The following TAF1C variants were observed in gnomAD, a reference collection of about 807,000 sequenced individuals.
TAF1C encodes the protein TATA box-binding protein-associated factor RNA polymerase I subunit C.
TAF1C carries 79 observed loss-of-function variants against 70.5 expected under a neutral mutation model. The observed-to-expected ratio is 1.12, with a 90% CI of 0.93 to 1.35. The LOEUF is 1.35. Among genes scored for constraint, TAF1C ranks in the 40% most tolerant of loss-of-function variants. The pLI, the probability that TAF1C is intolerant of heterozygous loss-of-function variation, is 0.00. For missense variants in TAF1C, 1,412 were observed against 1,127.8 expected, an observed-to-expected ratio of 1.25 and a Z score of -3.61; for synonymous variants, 614 against 491.1, an observed-to-expected ratio of 1.25 and a Z score of -3.31.
Position 84,182,888 on chromosome 16 carries a change from C to A in TAF1C, c.482+188G>T, listed in dbSNP as rs1423825469. 1.3e-5 allele frequency among the ~76,000 whole-genome samples: 2 copies of A among 152,226 alleles called. No individual in the cohort carries two copies. The highest frequency in any genetic ancestry group is 2.9e-5 in the Non-Finnish European group (2 of 68,026). ...TGGATGCAGCTGTGCCTGAACTCCA[C>A]AAATGTAAATCTGCTTTCCCCTGAG... On this transcript the variant is annotated intron_variant, in intron 6 of 14. Coordinates refer to ENST00000566732, the MANE Select transcript of TAF1C (RefSeq NM_001243156.2). This position sits in a 1 kb window ranked among gnomAD's most constrained non-coding sequence, Gnocchi z 5.0.
chr16:84,185,795 G>A (rs1046569813), intron 1 of TAF1C, among the ~76,000 whole-genome samples: 27 of 152,180 alleles, frequency 1.8e-4, no homozygotes, highest in African/African-American at 6.3e-4. Flanking sequence ...AGCTACTCGG[G>A]AGGCTGAGGC....
rs200908474 is a variant in TAF1C at position 84,183,304 on chromosome 16, G to A, written c.348C>T (p.Asp116=). ...GCTTCCCCAGGGGCGCAAAGGCTAC[G>A]TCTCCATGATCCAAGAGGAACCGGC... The part of the protein sequence containing the change: ...QISRFLLDHG[D]VAFAPLGKLM... The change falls in exon 5 of 15, where the codon GAC becomes GAT. Residue 116 remains aspartate, a synonymous_variant. Transcript: ENST00000566732. 3.7e-5 allele frequency: 60 copies of A among 1,613,986 alleles called. No homozygotes were observed. The highest frequency in any genetic ancestry group is 2.2e-4 in the East Asian group (10 of 44,880).
At position 84,178,517 on chromosome 16, in the gene TAF1C, C is replaced by A. The variant is rs1045821579; in HGVS notation, c.*424G>T. 9 of 461,536 alleles carry A rather than the reference C, an allele frequency of 2.0e-5. No individual in the cohort carries two copies. The highest frequency in any genetic ancestry group is 6.0e-5 in the African/African-American group (3 of 50,384). 28.6% of individuals were successfully genotyped at this position (461,536 alleles called of 1,614,324 possible). A position where few individuals can be genotyped will look rare whatever the true frequency, so the allele number is the denominator to read the frequency against. On this transcript the variant is annotated 3_prime_UTR_variant, in exon 15 of 15. Transcript: ENST00000566732. ...CCAACGGCCGCTGTGCCCACCTCATCAGCAGCTCTGCAGGGGCCTCACTCC... is the reference window on the plus strand; with the variant it reads ...CCAACGGCCGCTGTGCCCACCTCATAAGCAGCTCTGCAGGGGCCTCACTCC...
intron 9 of TAF1C, 30 bp from the exon 10 acceptor site, chr16:84,181,693 C>T (rs1416052621): frequency 6.2e-7 from 1 of 1,613,820 alleles, no homozygotes; most frequent in Non-Finnish European, 8.5e-7. Flanking sequence ...TCACATCGGG[C>T]TGCTCAGCCC....
chr16:84,179,024 C>A lies in TAF1C; in HGVS notation c.2449G>T (p.Val817Phe), dbSNP rs148629383. The A allele has an allele frequency of 6.2e-5, 100 of 1,610,564 alleles. 1 individual carries two copies. In the East Asian group the frequency reaches 7.6e-4, roughly 12 times the overall value. The change falls in exon 15 of 15, where the codon GTC (valine) becomes TTC (phenylalanine). Residue 817 changes from valine (V) to phenylalanine (F), a missense_variant. Transcript: ENST00000566732. ...TTPPHSQASS[V>F]RATRSQQHTP... Reference sequence around the variant, plus strand: ...TGCTGCTGGGAGCGAGTGGCCCGGACGCTGGAGGCCTGGGAGTGGGGAGGT... The same window carrying A: ...TGCTGCTGGGAGCGAGTGGCCCGGAAGCTGGAGGCCTGGGAGTGGGGAGGT...
At position 84,183,793 on chromosome 16, in the gene TAF1C, A is replaced by T; in HGVS notation, c.139-15T>A. 6.2e-7 allele frequency: 1 copy of T among 1,602,872 alleles called. No homozygotes were observed. Among genetic ancestry groups the T allele is most frequent in the Non-Finnish European group, 8.5e-7 (1 of 1,171,898 alleles). Reference sequence around the variant, plus strand: ...AGTGCCCCATTCTGAAGGGAGGACAATCGCAAGGACAGTATCATGATGAAT... The same window carrying T: ...AGTGCCCCATTCTGAAGGGAGGACATTCGCAAGGACAGTATCATGATGAAT... On this transcript the variant is annotated splice_polypyrimidine_tract_variant and intron_variant, in intron 2 of 14. Coordinates refer to ENST00000566732, the MANE Select transcript of TAF1C (RefSeq NM_001243156.2).
chr16:84,181,817 A>G lies in TAF1C; in HGVS notation c.885T>C (p.Phe295=). 6.2e-7 allele frequency: 1 copy of G among 1,614,132 alleles called. No individual in the cohort carries two copies. Among genetic ancestry groups the G allele is most frequent in the Non-Finnish European group, 8.5e-7 (1 of 1,180,020 alleles). Reference sequence around the variant, plus strand: ...GAAGGGTTGGCTGCCACTGTTTACCAAACTTCCACACGGCACAGTGGTAGT... The same window carrying G: ...GAAGGGTTGGCTGCCACTGTTTACCGAACTTCCACACGGCACAGTGGTAGT... ...RSDYHCAVWK[F]GKQWQPTLLQ... The change falls in exon 9 of 15, where the codon TTT becomes TTC. Residue 295 remains phenylalanine (F), a synonymous_variant. Transcript: ENST00000566732.
Position 84,183,245 on chromosome 16 carries a change from C to A in TAF1C, c.407G>T (p.Gly136Val), listed in dbSNP as rs1567596775. ...MLENFKLEGA[G>V]SRTKKKTVVS... ...CCCCTGGAGTCACGGGCCACTCACC[C>A]CCGCTCCCTCCAGCTTGAAATTCTC... Residue 136 changes from glycine to valine, a missense_variant and splice_region_variant, in exon 5 of 15, where the codon GGG becomes GTG. Transcript: ENST00000566732. 3 of 1,614,026 alleles carry A rather than the reference C, an allele frequency of 1.9e-6. No individual in the cohort carries two copies. Among genetic ancestry groups the A allele is most frequent in the African/African-American group, 1.3e-5 (1 of 75,042 alleles).
chr16:84,186,805 G>A (rs892373907), intron 1 of TAF1C, 96 bp downstream of exon 1: 1 of 152,288 alleles, frequency 6.6e-6, no homozygotes, highest in Non-Finnish European at 1.5e-5. Flanking sequence ...CTGCCGCGGG[G>A]ACTGGGGATT....
In TAF1C at chr16:84,179,075, T is replaced by G. The variant is rs2088920950; in HGVS notation, c.2398A>C (p.Arg800=). 1 of 1,610,602 alleles carries G rather than the reference T, an allele frequency of 6.2e-7. No homozygotes were observed. Among genetic ancestry groups the G allele is most frequent in the Non-Finnish European group, 8.5e-7 (1 of 1,179,404 alleles). The change falls in exon 15 of 15, where the codon AGG becomes CGG. Residue 800 remains arginine, a synonymous_variant. Transcript: ENST00000566732. ...RDYMAKLPPQ[R]DTPGCATTPP... is the part of the protein sequence containing the mutation. ...GTGGTGGCACAGCCTGGGGTGTCCC[T>G]CTGGGGTGGTAGCTTGGCCATGTAG...
chr16:84,182,227 AG>A lies in TAF1C; in HGVS notation c.695del (p.Pro232LeufsTer16). The A allele has an allele frequency of 6.2e-7, 1 of 1,612,232 alleles. No individual in the cohort carries two copies. The highest frequency in any genetic ancestry group is 8.5e-7 in the Non-Finnish European group (1 of 1,179,354). ...RTPQFGQLVY[P>X]AGGAQDRLHF... ...GCAGCCTGTCCTGGGCGCCTCCAGC[AG>A]GGTAGACCAGCTGCCCGAACTGGGG... On this transcript the variant is annotated frameshift_variant, in exon 7 of 15. Coordinates refer to ENST00000566732, the MANE Select transcript of TAF1C (RefSeq NM_001243156.2). LOFTEE classifies it high-confidence loss of function. The surrounding 1 kb of genome is among the most constrained non-coding windows in gnomAD (Gnocchi z 5.0).
intron 12 of TAF1C, 200 bp downstream of exon 12, chr16:84,180,843 G>A (rs1399060559): frequency 7.8e-6 from 11 of 1,402,658 alleles, no homozygotes; most frequent in East Asian, 5.1e-5. Flanking sequence ...CTAAGGGGAG[G>A]CCCTGGGAGA....
intron 2 of TAF1C, among the ~76,000 whole-genome samples, chr16:84,184,494 C>T (rs565495150): frequency 1.3e-5 from 2 of 152,336 alleles, no homozygotes; most frequent in Non-Finnish European, 2.9e-5. Flanking sequence ...GCTGTTTCAG[C>T]ATCCTTCTGC....
intron 13 of TAF1C, 26 bp from the exon 14 acceptor site, chr16:84,180,109 C>T: frequency 1.3e-6 from 2 of 1,575,842 alleles, no homozygotes; most frequent in Non-Finnish European, 1.7e-6. Context: ...CAGCTGAGGC[C>T]CTGTCCAGGC....
chr16:84,186,328 C>G (rs1200043585), intron 1 of TAF1C, among the ~76,000 whole-genome samples: 1 of 152,214 alleles, frequency 6.6e-6, no homozygotes, highest in Non-Finnish European at 1.5e-5. Flanking sequence ...CCAAGGCGGG[C>G]GGATCACCTG....
At position 84,179,782 on chromosome 16, in the gene TAF1C, G is replaced by C. The variant is rs374279708; in HGVS notation, c.1691C>G (p.Ala564Gly). 12 of 1,609,452 alleles carry C rather than the reference G, an allele frequency of 7.5e-6. No homozygotes were observed. The highest frequency in any genetic ancestry group is 1.0e-5 in the Non-Finnish European group (12 of 1,178,672). ...TPGLVLFQLS[A>G]AGDVFYQQLR... Reference sequence around the variant, plus strand: ...CTGCTGGTAGAAGACATCTCCCGCCGCCGAGAGCTGGAAGAGCACCAGGCC... The same window carrying C: ...CTGCTGGTAGAAGACATCTCCCGCCCCCGAGAGCTGGAAGAGCACCAGGCC... Residue 564 changes from alanine to glycine, a missense_variant, in exon 15 of 15, where the codon GCG becomes GGG. Physicochemically the swap from Ala to Gly is moderately conservative, Grantham distance 60. Transcript: ENST00000566732.
chr16:84,186,824 C>CCCTCCCCTCCTACATCTGCGGGT (rs1462489934), intron 1 of TAF1C, 77 bp downstream of exon 1: 1 of 152,252 alleles, frequency 6.6e-6, no homozygotes, highest in Non-Finnish European at 1.5e-5. Context: ...TTGGGGGCGT[C>CCCTCCCCTCCTACATCTGCGGGT]CCTCCCCTCC....
In TAF1C at chr16:84,178,410, C is replaced by T. The variant is rs1228800427; in HGVS notation, c.*531G>A. On this transcript the variant is annotated 3_prime_UTR_variant, in exon 15 of 15. Transcript: ENST00000566732. Reference sequence around the variant, plus strand: ...TTCAGCTGCCAAGTGTATTTAGTCCCTGAACCTGGATCCAAGGCATCTCCC... The same window carrying T: ...TTCAGCTGCCAAGTGTATTTAGTCCTTGAACCTGGATCCAAGGCATCTCCC... 5 of 457,598 alleles carry T rather than the reference C, an allele frequency of 1.1e-5. No homozygotes were observed. In the East Asian group the frequency reaches 3.5e-4, roughly 32 times the overall value. The allele number at this position is 457,598 out of a possible 1,614,324, so 28.3% of individuals were successfully genotyped here.
chr16:84,182,372 G>C lies in TAF1C; in HGVS notation c.551C>G (p.Thr184Arg). 8 of 1,608,844 alleles carry C rather than the reference G, an allele frequency of 5.0e-6. No homozygotes were observed. Among genetic ancestry groups the C allele is most frequent in the Non-Finnish European group, 6.8e-6 (8 of 1,178,750 alleles). Residue 184 changes from threonine to arginine, a missense_variant, in exon 7 of 15, where the codon ACG becomes AGG. Transcript: ENST00000566732. The surrounding 1 kb of genome is among the most constrained non-coding windows in gnomAD (Gnocchi z 5.0). ...CTCTGCCAAGTGGCTCGCCACCGACGTGCCCAGGATGGGGCCCCCGAGGAT... is the reference window on the plus strand; with the variant it reads ...CTCTGCCAAGTGGCTCGCCACCGACCTGCCCAGGATGGGGCCCCCGAGGAT... Reference protein sequence around the residue: ...FSILGGPILGTSVASHLAELL... With the variant: ...FSILGGPILGRSVASHLAELL...
Sources: allele counts gnomAD v4.1 joint callset (sites outside exome capture counted in the v4.1 genomes callset), GRCh38; gene constraint gnomAD v4.1.1; non-coding constraint Gnocchi (gnomAD v3.1); transcripts MANE v1.5; gene names NCBI Gene and HGNC (gene_info 2026-07-23, HGNC 2026-07-21).